The following SPTLC3 variants were observed in gnomAD, a reference collection of about 807,000 sequenced individuals.
SPTLC3 encodes the protein serine palmitoyltransferase long chain base subunit 3, also known as serine palmitoyltransferase 3.
A neutral mutation model predicts 59.3 loss-of-function variants in SPTLC3; 36 were observed. The ratio of observed to expected loss-of-function variants is 0.61; its 90% confidence interval spans 0.47 to 0.80. The LOEUF is 0.80. Among genes scored for constraint, SPTLC3 ranks in the 30% least tolerant of loss-of-function variants. The pLI, the probability that SPTLC3 is intolerant of heterozygous loss-of-function variation, is 0.00. For missense variants in SPTLC3, 625 were observed against 685.1 expected (o/e 0.91, Z 0.98); for synonymous variants, 257 against 240.8 (o/e 1.07, Z -0.62).
Position 13,074,367 on chromosome 20 carries a change from CA to C in SPTLC3, c.480del (p.Asp161MetfsTer21). ...WTFRFTGRVI[K>X]DVINMGSYNF... ...CCCACAGGTTTACTGGAAGAGTCAT[CA>C]AAGATGTCATCAACATGGGCTCCTA... On this transcript the variant is annotated frameshift_variant, in exon 4 of 12. Coordinates refer to ENST00000399002, the MANE Select transcript of SPTLC3 (RefSeq NM_018327.4). LOFTEE classifies it high-confidence loss of function. 2 of 1,613,996 alleles carry C rather than the reference CA, an allele frequency of 1.2e-6. No homozygotes were observed. Among genetic ancestry groups the C allele is most frequent in the Non-Finnish European group, 1.7e-6 (2 of 1,179,934 alleles).
intron 1 of SPTLC3, among the ~76,000 whole-genome samples, chr20:13,013,826 A>T (rs1985380846): frequency 6.6e-6 from 1 of 152,214 alleles, no homozygotes; most frequent in Non-Finnish European, 1.5e-5. Context: ...TGAAACAATA[A>T]CTATTGGATT....
chr20:13,054,829 G>T (rs1568580633), intron 2 of SPTLC3, among the ~76,000 whole-genome samples: 1 of 152,054 alleles, frequency 6.6e-6, no homozygotes, highest in Non-Finnish European at 1.5e-5. Flanking sequence ...TCAAAGCCAG[G>T]GAAGTAGACA....
Position 13,125,253 on chromosome 20 carries a change from G to A in SPTLC3, c.1153-1338G>A, listed in dbSNP as rs1452723856. Among the ~76,000 whole-genome samples, 2 of 152,176 alleles carry A rather than the reference G, an allele frequency of 1.3e-5. 1 individual carries two copies. Among genetic ancestry groups the A allele is most frequent in the South Asian group, 4.1e-4 (2 of 4,824 alleles). On this transcript the variant is annotated intron_variant, in intron 8 of 11. Coordinates refer to ENST00000399002, the MANE Select transcript of SPTLC3 (RefSeq NM_018327.4). ...CCTTATATTTGGCCTCAGGAGTCAGGCATACAGGTGAAAAATGGCTCCTAC... is the reference window on the plus strand; with the variant it reads ...CCTTATATTTGGCCTCAGGAGTCAGACATACAGGTGAAAAATGGCTCCTAC...
intron 1 of SPTLC3, 72 bp downstream of exon 1, chr20:13,009,456 A>T (rs1436210406): frequency 4.4e-6 from 6 of 1,363,570 alleles, no homozygotes; most frequent in Non-Finnish European, 6.2e-6. Flanking sequence ...AAGATATTTG[A>T]GGCTGTCCTA....
chr20:13,100,178 A>G (rs1184780414), intron 6 of SPTLC3, among the ~76,000 whole-genome samples: 3 of 152,166 alleles, frequency 2.0e-5, no homozygotes, highest in Non-Finnish European at 4.4e-5. Context: ...CTCTGTAGGA[A>G]AAAATACCTA....
intron 1 of SPTLC3, among the ~76,000 whole-genome samples, chr20:13,013,759 T>C (rs560067299): frequency 7.5e-4 from 114 of 152,344 alleles, no homozygotes; most frequent in Admixed American, 5.9e-3. Flanking sequence ...GTAAGTACTA[T>C]AGCAAATGTT....
intron 1 of SPTLC3, among the ~76,000 whole-genome samples, chr20:13,010,381 A>C (rs1985176807): frequency 6.6e-6 from 1 of 152,198 alleles, no homozygotes; most frequent in Non-Finnish European, 1.5e-5. Context: ...AGATCACAGG[A>C]CAGGTGGGTC....
intron 6 of SPTLC3, among the ~76,000 whole-genome samples, chr20:13,104,722 T>C (rs969593976): frequency 2.0e-5 from 3 of 152,172 alleles, no homozygotes; most frequent in Non-Finnish European, 2.9e-5. Context: ...GGTGTGTCAT[T>C]GTGACTCAAG....
Position 13,033,331 on chromosome 20 carries a change from G to C in SPTLC3, c.118-15614G>C, listed in dbSNP as rs536166910. Among the ~76,000 whole-genome samples, 15 of 152,288 alleles carry C rather than the reference G, an allele frequency of 9.8e-5. No individual in the cohort carries two copies. In the South Asian group the frequency reaches 2.1e-3, roughly 21 times the overall value. On this transcript the variant is annotated intron_variant, in intron 1 of 11. Transcript: ENST00000399002. ...CTATTCATAATAAATCTAATTGGTA[G>C]TGATAAGAAGTAGGGTTGGGAGGCG... is the stretch of plus-strand genomic sequence containing the variant.
intron 9 of SPTLC3, among the ~76,000 whole-genome samples, chr20:13,149,257 T>C (rs535234528): frequency 2.4e-4 from 36 of 152,358 alleles, no homozygotes; most frequent in African/African-American, 8.7e-4. Context: ...CTGAGTGTCT[T>C]GAAGGGGATG....
intron 1 of SPTLC3, among the ~76,000 whole-genome samples, chr20:13,039,886 A>C (rs6109665): frequency 0.058 from 8,778 of 152,190 alleles, 279 homozygotes; most frequent in South Asian, 0.083. Context: ...TTACTTCTAT[A>C]TAGCCTACCT....
chr20:13,100,584 C>CA (rs200156954), intron 6 of SPTLC3, among the ~76,000 whole-genome samples: 2,421 of 151,632 alleles, frequency 0.016, 72 homozygotes, highest in African/African-American at 0.055. Flanking sequence ...ACAACAACAA[C>CA]AAAAAAAACA....
intron 2 of SPTLC3, among the ~76,000 whole-genome samples, chr20:13,060,766 C>T (rs1344654564): frequency 6.7e-6 from 1 of 149,896 alleles, no homozygotes; most frequent in East Asian, 2.0e-4. Context: ...ATCCCTGTTG[C>T]TGCAAAAGAC....
rs6041923 is a variant in SPTLC3, at chr20:13,159,880, T to G, written c.1416-123T>G. On this transcript the variant is annotated intron_variant, in intron 10 of 11. Transcript: ENST00000399002. ...AAAAACTTCAATCATCTTCCACTTA[T>G]TATCATAAAAAAGAAAAAAGAAAAA... The G allele has an allele frequency of 0.023, 30,389 of 1,312,332 alleles. 498 individuals carry two copies. The highest frequency in any genetic ancestry group is 0.072 in the African/African-American group (4,833 of 67,478). The allele number at this position is 1,312,332 out of a possible 1,614,324, so 81.3% of individuals were successfully genotyped here.
intron 6 of SPTLC3, among the ~76,000 whole-genome samples, chr20:13,107,584 G>T (rs1261867628): frequency 6.6e-6 from 1 of 152,094 alleles, no homozygotes; most frequent in Non-Finnish European, 1.5e-5. Flanking sequence ...GGCCTGTTTT[G>T]CAGATAAAAA....
At position 13,077,876 on chromosome 20, in the gene SPTLC3, G is replaced by A. The variant is rs182419865; in HGVS notation, c.607+3379G>A. Among the ~76,000 whole-genome samples, 343 of 151,378 alleles carry A rather than the reference G, an allele frequency of 2.3e-3. 1 individual carries two copies. Among genetic ancestry groups the A allele is most frequent in the South Asian group, 0.018 (86 of 4,792 alleles). On this transcript the variant is annotated intron_variant, in intron 4 of 11. Transcript: ENST00000399002. ...AGCTCACTGTAACCTCAAACTCTTG[G>A]CCTCTAGTGATCCTCCTGCCTCAGC...
intron 7 of SPTLC3, among the ~76,000 whole-genome samples, chr20:13,115,608 G>A (rs1448984684): frequency 2.0e-5 from 3 of 152,112 alleles, no homozygotes; most frequent in Non-Finnish European, 4.4e-5. Flanking sequence ...CTGAGGACCT[G>A]CAGCCATTTA....
chr20:13,135,200 T>C (rs1002782104), intron 9 of SPTLC3, among the ~76,000 whole-genome samples: 1 of 152,214 alleles, frequency 6.6e-6, no homozygotes, highest in East Asian at 1.9e-4. Flanking sequence ...CTTCAGTGTA[T>C]CTTCAATGGG....
chr20:13,121,379 A>C (rs6109718), intron 8 of SPTLC3, among the ~76,000 whole-genome samples: 1 of 152,046 alleles, frequency 6.6e-6, no homozygotes, highest in East Asian at 1.9e-4. Flanking sequence ...TGCCCTGCAC[A>C]CTAGGCCCTG....
Sources: allele counts gnomAD v4.1 joint callset (sites outside exome capture counted in the v4.1 genomes callset), GRCh38; gene constraint gnomAD v4.1.1; transcripts MANE v1.5; gene names NCBI Gene and HGNC (gene_info 2026-07-23, HGNC 2026-07-21).